LRRC3B: variants seen among roughly 807,000 people sequenced by gnomAD.
LRRC3B encodes the protein leucine-rich repeat-containing protein 3B.
In LRRC3B, 2 loss-of-function variants were observed where a neutral mutation model predicts 12.8. The observed-to-expected ratio is 0.16, with a 90% CI of 0.06 to 0.49. The LOEUF (loss-of-function observed/expected upper bound fraction) is 0.49, where lower values mean the gene tolerates loss of function less well. Among genes scored for constraint, LRRC3B ranks in the 20% least tolerant of loss-of-function variants. LRRC3B has a pLI of 0.96. For synonymous variants in LRRC3B, 132 were observed against 122.0 expected (o/e 1.08, Z -0.54); for missense variants, 189 against 319.4 (o/e 0.59, Z 3.11).
intron 1 of LRRC3B, among the ~76,000 whole-genome samples, chr3:26,660,017 A>T (rs562937589): frequency 1.6e-4 from 25 of 152,174 alleles, no homozygotes; most frequent in African/African-American, 6.0e-4. Flanking sequence ...AAAAACCCTC[A>T]CTTTGCTTAG....
chr3:26,695,386 G>A (rs559779472), intron 1 of LRRC3B, among the ~76,000 whole-genome samples: 1 of 152,228 alleles, frequency 6.6e-6, no homozygotes, highest in South Asian at 2.1e-4. Context: ...AATTAGCCGG[G>A]CATTGTGGTG....
intron 1 of LRRC3B, among the ~76,000 whole-genome samples, chr3:26,636,649 A>T: frequency 6.6e-6 from 1 of 152,078 alleles, no homozygotes; most frequent in East Asian, 1.9e-4. Flanking sequence ...TAAAAGCTAC[A>T]GTGTTGTTTT....
At chr3:26,662,288 GAC>G in intron 1 of LRRC3B, among the ~76,000 whole-genome samples, 1 of 152,140 alleles carries the variant, frequency 6.6e-6, no homozygotes. Flanking sequence ...CTGAGATTTG[GAC>G]AGTTTAATGC....
chr3:26,658,350 G>A (rs1404006448), intron 1 of LRRC3B, among the ~76,000 whole-genome samples: 6 of 152,228 alleles, frequency 3.9e-5, no homozygotes, highest in Middle Eastern at 3.2e-3. Context: ...GAGCCACCAC[G>A]CCCGGCCAAG....
intron 1 of LRRC3B, among the ~76,000 whole-genome samples, chr3:26,687,013 C>T (rs1238860633): frequency 6.6e-6 from 1 of 152,168 alleles, no homozygotes. Flanking sequence ...AAGCTCTCTG[C>T]TGCCAACACT....
At chr3:26,634,558 A>G (rs554501321) in intron 1 of LRRC3B, among the ~76,000 whole-genome samples, 2 of 151,776 alleles carry the variant, frequency 1.3e-5, no homozygotes, top group South Asian at 4.1e-4. Flanking sequence ...GTGACAGGGA[A>G]AAGGTTCAAT....
chr3:26,676,838 C>T (rs1447632287), intron 1 of LRRC3B, among the ~76,000 whole-genome samples: 2 of 152,176 alleles, frequency 1.3e-5, no homozygotes, highest in Non-Finnish European at 2.9e-5. Context: ...GGAACCAACC[C>T]AAATGTCATT....
chr3:26,707,781 T>C (rs1700637966), intron 1 of LRRC3B, among the ~76,000 whole-genome samples: 1 of 152,024 alleles, frequency 6.6e-6, no homozygotes, highest in Admixed American at 6.6e-5. Flanking sequence ...CACCTGTTTT[T>C]TTTTTTCTTT....
At chr3:26,709,302 A>G (rs1700687765) in intron 1 of LRRC3B, among the ~76,000 whole-genome samples, 1 of 152,206 alleles carries the variant, frequency 6.6e-6, no homozygotes, top group African/African-American at 2.4e-5. Flanking sequence ...ACTCAGAAAT[A>G]TCTTCATATG....
rs71950080 is a variant in LRRC3B, at chr3:26,693,328, C to CAAA, written c.-160-16163_-160-16161dup. The stretch of plus-strand genomic sequence containing the variant: ...TGGGCGACAGAGCGAAACTCCGTCT[C>CAAA]AAAAAAAAAAAAAAAAAAAAAAAAG... On this transcript the variant is annotated intron_variant, in intron 1 of 1. Transcript: ENST00000396641. 2.2e-3 allele frequency among the ~76,000 whole-genome samples: 208 copies of CAAA among 96,004 alleles called. 4 individuals are homozygous for CAAA. Among genetic ancestry groups the CAAA allele is most frequent in the Middle Eastern group, 0.014 (2 of 138 alleles). The allele number at this position is 96,004 out of a possible 152,430, so 63.0% of individuals were successfully genotyped here.
At chr3:26,635,005 A>G (rs1320377598) in intron 1 of LRRC3B, among the ~76,000 whole-genome samples, 1 of 152,238 alleles carries the variant, frequency 6.6e-6, no homozygotes, top group African/African-American at 2.4e-5. Flanking sequence ...GAGAAGCTTC[A>G]AAGATACAGG....
chr3:26,698,012 A>T (rs1226815679), intron 1 of LRRC3B, among the ~76,000 whole-genome samples: 1 of 152,148 alleles, frequency 6.6e-6, no homozygotes, highest in Non-Finnish European at 1.5e-5. Flanking sequence ...TGATAAAATG[A>T]AATCATTGAC....
At chr3:26,643,624 T>C (rs1179337867) in intron 1 of LRRC3B, among the ~76,000 whole-genome samples, 3 of 152,172 alleles carry the variant, frequency 2.0e-5, no homozygotes, top group Admixed American at 6.5e-5. Context: ...TGTGCCTTTT[T>C]TACAGGCCAC....
chr3:26,664,292 T>C lies in LRRC3B; in HGVS notation c.-161+41055T>C, dbSNP rs1252154610. On this transcript the variant is annotated intron_variant, in intron 1 of 1. Transcript: ENST00000396641. ...CATTGCTTCTTCCAGGAGTTTTGGG[T>C]AACATTTTTTCCTACACTGTTGAGA... 1.3e-5 allele frequency among the ~76,000 whole-genome samples: 2 copies of C among 152,072 alleles called. 1 individual carries two copies. The highest frequency in any genetic ancestry group is 2.9e-5 in the Non-Finnish European group (2 of 67,996).
At chr3:26,642,906 A>G (rs923751997) in intron 1 of LRRC3B, among the ~76,000 whole-genome samples, 1 of 151,928 alleles carries the variant, frequency 6.6e-6, no homozygotes, top group Non-Finnish European at 1.5e-5. Context: ...AATCCCAGCT[A>G]TTCGGGAGGC....
At chr3:26,627,583 A>G (rs1298184869) in intron 1 of LRRC3B, among the ~76,000 whole-genome samples, 1 of 152,042 alleles carries the variant, frequency 6.6e-6, no homozygotes, top group Non-Finnish European at 1.5e-5. Flanking sequence ...TGTGACCAAA[A>G]TGCCCACAGA....
chr3:26,707,197 C>T (rs1343092625), intron 1 of LRRC3B, among the ~76,000 whole-genome samples: 64 of 53,712 alleles, frequency 1.2e-3, no homozygotes, highest in African/African-American at 2.3e-3. Flanking sequence ...ACTAAAAATA[C>T]AGAAAAAAAA....
At chr3:26,699,785 T>C (rs1700409086) in intron 1 of LRRC3B, among the ~76,000 whole-genome samples, 1 of 152,122 alleles carries the variant, frequency 6.6e-6, no homozygotes, top group Non-Finnish European at 1.5e-5. Context: ...GAAATAATAG[T>C]AGAGAAGCAG....
intron 1 of LRRC3B, among the ~76,000 whole-genome samples, chr3:26,640,426 T>TAA (rs10707193): frequency 7.1e-6 from 1 of 140,190 alleles, no homozygotes; most frequent in African/African-American, 2.6e-5. Flanking sequence ...CCTTATAAAC[T>TAA]AAAAAAAAAA....
Sources: allele counts gnomAD v4.1 joint callset (sites outside exome capture counted in the v4.1 genomes callset), GRCh38; gene constraint gnomAD v4.1.1; transcripts MANE v1.5; gene names NCBI Gene and HGNC (gene_info 2026-07-23, HGNC 2026-07-21).